NUDT6: variants seen among roughly 807,000 people sequenced by gnomAD.
NUDT6 encodes nudix hydrolase 6, also known as FAD diphosphatase NUDT6.
NUDT6 carries 24 observed loss-of-function variants against 36.8 expected under a neutral mutation model. The ratio of observed to expected loss-of-function variants is 0.65; its 90% CI spans 0.47 to 0.92. The LOEUF is 0.92. NUDT6 is among the 40% of genes least tolerant of loss of function. The pLI is 0.00. For synonymous variants in NUDT6, 163 were observed against 157.0 expected, an observed-to-expected ratio of 1.04 and a Z score of -0.29; for missense variants, 388 against 392.8, an observed-to-expected ratio of 0.99 and a Z score of 0.10.
intron 4 of NUDT6, chr4:122,897,374 CCAGAAGCAGT>C: frequency 4.3e-6 from 2 of 467,050 alleles, no homozygotes; most frequent in South Asian, 5.4e-5. Flanking sequence ...ACAGATTAAT[CCAGAAGCAGT>C]CATAAACAGA....
At chr4:122,900,062 C>CCCG (rs1727485420) in intron 3 of NUDT6, among the ~76,000 whole-genome samples, 1 of 131,584 alleles carries the variant, frequency 7.6e-6, no homozygotes, top group Non-Finnish European at 1.6e-5. Flanking sequence ...CCGCCACCCC[C>CCCG]CCCCCGGCCC....
chr4:122,899,984 C>G (rs1020788939), intron 3 of NUDT6, among the ~76,000 whole-genome samples: 1 of 151,776 alleles, frequency 6.6e-6, no homozygotes, highest in Admixed American at 6.6e-5. Flanking sequence ...GGCATTTACT[C>G]AGTACAGATT....
intron 1 of NUDT6, 85 bp downstream of exon 1, chr4:122,922,250 C>T: frequency 2.5e-6 from 3 of 1,207,796 alleles, no homozygotes; most frequent in Non-Finnish European, 3.5e-6. Flanking sequence ...CAGTGGTGCA[C>T]AGAGCGACTA....
chr4:122,914,668 C>T (rs1195670594), intron 2 of NUDT6, among the ~76,000 whole-genome samples: 1 of 152,054 alleles, frequency 6.6e-6, no homozygotes, highest in African/African-American at 2.4e-5. Flanking sequence ...TGTCTGGATT[C>T]TAGGCAGGCA....
At chr4:122,903,974 C>T (rs1035517385) in intron 3 of NUDT6, among the ~76,000 whole-genome samples, 1 of 152,190 alleles carries the variant, frequency 6.6e-6, no homozygotes, top group East Asian at 1.9e-4. Flanking sequence ...CATGGTCCCA[C>T]ATGAAGGGAC....
At chr4:122,907,207 G>A (rs1031043765) in intron 3 of NUDT6, among the ~76,000 whole-genome samples, 2 of 151,644 alleles carry the variant, frequency 1.3e-5, no homozygotes, top group African/African-American at 2.4e-5. Flanking sequence ...CTCAGGTTTC[G>A]GCAACGTCTG....
intron 2 of NUDT6, chr4:122,913,363 A>T (rs1193864183): frequency 6.6e-6 from 1 of 152,192 alleles, no homozygotes; most frequent in African/African-American, 2.4e-5. Flanking sequence ...CACTAATCCC[A>T]TTCATGGGAG....
chr4:122,917,689 C>T lies in NUDT6; in HGVS notation c.254G>A (p.Trp85Ter), dbSNP rs1409859961. The change falls in exon 2 of 5, where the codon TGG (tryptophan) becomes TAG (stop). Residue 85 changes from tryptophan (W) to a stop codon, truncating the protein, a stop_gained. Transcript: ENST00000304430. LOFTEE classifies it high-confidence loss of function. ...QKGLQAAVQQWRSEGRTAVWL... is the reference protein window; with the variant it reads ...QKGLQAAVQQ ...TACAGCTGTTCTACCTTCTGATCGC[C>T]ATTGCTGTACTGCAGCTAAATGCAG... is the stretch of plus-strand genomic sequence containing the variant. 6.2e-6 allele frequency: 10 copies of T among 1,613,968 alleles called. No homozygotes were observed. Among genetic ancestry groups the T allele is most frequent in the Non-Finnish European group, 5.9e-6 (7 of 1,179,974 alleles).
At chr4:122,913,600 A>G (rs1727773106) in intron 2 of NUDT6, among the ~76,000 whole-genome samples, 1 of 152,184 alleles carries the variant, frequency 6.6e-6, no homozygotes. Context: ...AAATATCTCA[A>G]TATTCATTTC....
chr4:122,922,235 C>A, intron 1 of NUDT6, 100 bp downstream of exon 1: 1 of 995,308 alleles, frequency 1.0e-6, no homozygotes, highest in Non-Finnish European at 1.4e-6. Context: ...TCCCTCTGGG[C>A]TCGACAGTGG....
intron 3 of NUDT6, among the ~76,000 whole-genome samples, chr4:122,909,187 T>G (rs1727681565): frequency 6.6e-6 from 1 of 151,884 alleles, no homozygotes; most frequent in African/African-American, 2.4e-5. Flanking sequence ...CACCACAGCC[T>G]CCCAAGTAGC....
chr4:122,921,483 C>T (rs1460342815), intron 1 of NUDT6: 2 of 151,282 alleles, frequency 1.3e-5, no homozygotes, highest in African/African-American at 4.9e-5. Context: ...GTAGTCCTAG[C>T]TACCCAGGAG....
intron 2 of NUDT6, among the ~76,000 whole-genome samples, chr4:122,914,099 G>A (rs954044059): frequency 6.6e-6 from 1 of 152,170 alleles, no homozygotes; most frequent in Non-Finnish European, 1.5e-5. Flanking sequence ...ATTCTGGTAT[G>A]TGTGTGGGGA....
chr4:122,894,025 G>GCAAGGCA (rs1727273104), intron 4 of NUDT6: 1 of 152,134 alleles, frequency 6.6e-6, no homozygotes, highest in Non-Finnish European at 1.5e-5. Context: ...TAATTCTACT[G>GCAAGGCA]GTGAAAAACA....
At chr4:122,901,286 T>C (rs1192493692) in intron 3 of NUDT6, among the ~76,000 whole-genome samples, 1 of 152,216 alleles carries the variant, frequency 6.6e-6, no homozygotes, top group African/African-American at 2.4e-5. Context: ...TTTAACCATA[T>C]TAAAGCATAT....
intron 2 of NUDT6, among the ~76,000 whole-genome samples, chr4:122,915,491 A>AAACAAAC: frequency 7.3e-6 from 1 of 137,580 alleles, no homozygotes; most frequent in Non-Finnish European, 1.6e-5. Flanking sequence ...AAAAAAAAAA[A>AAACAAAC]AAAAAAACAA....
rs765564750 is a variant in NUDT6, at chr4:122,892,964, A to G, written c.815T>C (p.Leu272Pro). Residue 272 changes from leucine (L) to proline (P), a missense_variant, in exon 5 of 5, where the codon CTG (leucine) becomes CCG (proline). By Grantham distance (98) the Leu-to-Pro change is moderately conservative. Coordinates refer to ENST00000304430, the MANE Select transcript of NUDT6 (RefSeq NM_007083.5). ...PITSRVARLL[L>P]YGYREGFDKI... is the part of the protein sequence containing the mutation. ...GTCAAACCCTTCTCTGTACCCATACAGCAGCAGCCTAGCAACTCTGCTGGT... is the reference window on the plus strand; with the variant it reads ...GTCAAACCCTTCTCTGTACCCATACGGCAGCAGCCTAGCAACTCTGCTGGT... 6 of 1,614,088 alleles carry G rather than the reference A, an allele frequency of 3.7e-6. No homozygotes were observed. The highest frequency in any genetic ancestry group is 1.1e-5 in the South Asian group (1 of 91,088).
At chr4:122,910,568 T>G (rs1238074438) in intron 3 of NUDT6, among the ~76,000 whole-genome samples, 1 of 150,466 alleles carries the variant, frequency 6.6e-6, no homozygotes, top group Non-Finnish European at 1.5e-5. Flanking sequence ...AATGAAATTT[T>G]ATTTGACAAA....
At chr4:122,915,754 G>A (rs976477228) in intron 2 of NUDT6, among the ~76,000 whole-genome samples, 12 of 152,074 alleles carry the variant, frequency 7.9e-5, no homozygotes, top group African/African-American at 2.9e-4. Flanking sequence ...GTCTGTGCCC[G>A]TGAATGATAA....
Sources: gnomAD v4.1 joint callset for allele counts (sites outside exome capture counted in the v4.1 genomes callset) on GRCh38, gnomAD v4.1.1 for gene constraint, MANE v1.5 for transcripts, NCBI Gene and HGNC (gene_info 2026-07-23, HGNC 2026-07-21) for gene names.